TRPC7: variants seen among roughly 807,000 people sequenced by gnomAD.
The protein encoded by TRPC7 is transient receptor potential cation channel subfamily C member 7.
Under a neutral mutation model 90.1 loss-of-function variants are expected in TRPC7, and 42 were observed. The ratio of observed to expected loss-of-function variants is 0.47; its 90% confidence interval spans 0.36 to 0.60. The LOEUF (loss-of-function observed/expected upper bound fraction) is 0.60, where lower values mean the gene tolerates loss of function less well. TRPC7 is among the 20% of genes least tolerant of loss of function. The pLI, the probability that TRPC7 is intolerant of heterozygous loss-of-function variation, is 0.00. For missense variants in TRPC7, 955 were observed against 1,112.3 expected (o/e 0.86, Z 2.01); for synonymous variants, 451 against 436.3 (o/e 1.03, Z -0.42).
At chr5:136,340,592 T>C (rs1245811501) in intron 2 of TRPC7, among the ~76,000 whole-genome samples, 2 of 152,070 alleles carry the variant, frequency 1.3e-5, no homozygotes, top group Admixed American at 6.6e-5. Context: ...ATAAAAATAA[T>C]TGTGGAGTAG....
chr5:136,354,854 A>T (rs1760311504), intron 2 of TRPC7, among the ~76,000 whole-genome samples: 1 of 152,178 alleles, frequency 6.6e-6, no homozygotes, highest in African/African-American at 2.4e-5. Context: ...TCTGAGACTC[A>T]TCTTCACTTA....
chr5:136,322,223 C>G (rs1299529420), intron 2 of TRPC7, among the ~76,000 whole-genome samples: 1 of 152,142 alleles, frequency 6.6e-6, no homozygotes, highest in Non-Finnish European at 1.5e-5. Flanking sequence ...CCATGTTGGT[C>G]AGGCTGGTCT....
chr5:136,310,951 G>A (rs1452655990), intron 3 of TRPC7, among the ~76,000 whole-genome samples: 1 of 152,138 alleles, frequency 6.6e-6, no homozygotes, highest in Non-Finnish European at 1.5e-5. Context: ...ATACAGCCAT[G>A]CCTGCCTGAT....
intron 7 of TRPC7, among the ~76,000 whole-genome samples, chr5:136,240,037 AG>A (rs1356553094): frequency 6.6e-6 from 1 of 152,158 alleles, no homozygotes; most frequent in Non-Finnish European, 1.5e-5. Context: ...CCTTTTACAA[AG>A]GCCTTAGCGG....
At chr5:136,231,760 G>A (rs116442623) in intron 7 of TRPC7, among the ~76,000 whole-genome samples, 2,876 of 152,118 alleles carry the variant, frequency 0.019, 106 homozygotes, top group African/African-American at 0.066. Context: ...GTGCACCACC[G>A]CACCTGGCTA....
chr5:136,340,111 A>G (rs1314365724), intron 2 of TRPC7, among the ~76,000 whole-genome samples: 2 of 152,222 alleles, frequency 1.3e-5, no homozygotes, highest in African/African-American at 4.8e-5. Context: ...AATGTGGTAT[A>G]TATACACATT....
intron 3 of TRPC7, 111 bp from the exon 4 acceptor site, chr5:136,274,948 G>A: frequency 7.8e-7 from 1 of 1,288,894 alleles, no homozygotes; most frequent in South Asian, 1.6e-5. Context: ...GCTCCACCTG[G>A]GGGGTGGTTG....
intron 11 of TRPC7, among the ~76,000 whole-genome samples, chr5:136,215,518 T>G (rs183782960): frequency 1.3e-5 from 2 of 152,232 alleles, no homozygotes; most frequent in African/African-American, 4.8e-5. Flanking sequence ...TTCAATCACA[T>G]GAGTCCTTAA....
intron 6 of TRPC7, among the ~76,000 whole-genome samples, chr5:136,249,474 A>G (rs529032855): frequency 2.8e-4 from 42 of 152,372 alleles, no homozygotes; most frequent in African/African-American, 1.0e-3. Context: ...TTCTATGGAT[A>G]AATATTTGGA....
chr5:136,256,610 C>G (rs1004397705), intron 5 of TRPC7, among the ~76,000 whole-genome samples: 1 of 150,304 alleles, frequency 6.7e-6, no homozygotes, highest in African/African-American at 2.4e-5. Flanking sequence ...TTCTGCAGAT[C>G]CTCCTCTAGT....
intron 3 of TRPC7, among the ~76,000 whole-genome samples, chr5:136,295,559 G>A (rs537779181): frequency 1.7e-4 from 26 of 152,072 alleles, no homozygotes; most frequent in East Asian, 3.9e-4. Context: ...TCCCCTCCCC[G>A]TCCACTGTGG....
At chr5:136,223,191 A>G (rs1046753749) in intron 10 of TRPC7, among the ~76,000 whole-genome samples, 4 of 152,244 alleles carry the variant, frequency 2.6e-5, no homozygotes, top group African/African-American at 9.6e-5. Context: ...CAAGGTCATC[A>G]GTTGCCTGAA....
At chr5:136,316,430 T>C (rs1759030342) in intron 2 of TRPC7, among the ~76,000 whole-genome samples, 1 of 152,230 alleles carries the variant, frequency 6.6e-6, no homozygotes, top group African/African-American at 2.4e-5. Flanking sequence ...AAATCAAATG[T>C]AATTTAACTT....
At chr5:136,310,250 G>T (rs919954101) in intron 3 of TRPC7, among the ~76,000 whole-genome samples, 1 of 152,160 alleles carries the variant, frequency 6.6e-6, no homozygotes, top group African/African-American at 2.4e-5. Context: ...AAGTTCCAGG[G>T]TTTTGTTCAC....
chr5:136,285,916 C>T (rs1757698346), intron 3 of TRPC7, among the ~76,000 whole-genome samples: 1 of 152,144 alleles, frequency 6.6e-6, no homozygotes, highest in Non-Finnish European at 1.5e-5. Flanking sequence ...CCTTGTGTCC[C>T]CTACTCAGTT....
At chr5:136,224,914 T>C (rs375971004) in intron 10 of TRPC7, among the ~76,000 whole-genome samples, 8 of 152,332 alleles carry the variant, frequency 5.3e-5, no homozygotes, top group South Asian at 4.1e-4. Flanking sequence ...TCCTTGAAGA[T>C]GTCCTCTCTG....
intron 2 of TRPC7, among the ~76,000 whole-genome samples, chr5:136,339,473 T>C (rs1232408551): frequency 6.6e-6 from 1 of 152,194 alleles, no homozygotes; most frequent in Non-Finnish European, 1.5e-5. Context: ...CTGGAGGTTA[T>C]TTGTAAATTC....
intron 3 of TRPC7, among the ~76,000 whole-genome samples, chr5:136,312,521 G>T (rs1233833909): frequency 6.6e-6 from 1 of 152,138 alleles, no homozygotes; most frequent in African/African-American, 2.4e-5. Context: ...TGAAGCAAAA[G>T]CTCATATGTC....
chr5:136,273,884 G>C (rs1308597797), intron 4 of TRPC7, among the ~76,000 whole-genome samples: 1 of 152,156 alleles, frequency 6.6e-6, no homozygotes, highest in African/African-American at 2.4e-5. Context: ...CCCGAAGCTG[G>C]AGTGCTGTTA....
Sources: allele counts gnomAD v4.1 joint callset (sites outside exome capture counted in the v4.1 genomes callset), GRCh38; gene constraint gnomAD v4.1.1; transcripts MANE v1.5; gene names NCBI Gene and HGNC (gene_info 2026-07-23, HGNC 2026-07-21).